Variants in FSTL4 observed in about 807,000 individuals in gnomAD.
FSTL4 encodes the protein follistatin like 4.
Under a neutral mutation model 78.2 loss-of-function variants are expected in FSTL4, and 28 were observed. The ratio of observed to expected loss-of-function variants is 0.36; its 90% CI spans 0.27 to 0.49. The LOEUF is 0.49. Among genes scored for constraint, FSTL4 ranks in the 20% least tolerant of loss-of-function variants. The pLI is 0.98. For missense variants in FSTL4, 922 were observed against 1,084.9 expected (o/e 0.85, Z 2.11); for synonymous variants, 422 against 440.5 (o/e 0.96, Z 0.53).
the FSTL4 span, among the ~76,000 whole-genome samples, chr5:133,725,543 G>A: frequency 2.0e-5 from 3 of 152,158 alleles, no homozygotes; most frequent in Admixed American, 6.5e-5. Context: ...TCAAAGTCCC[G>A]CCTCTATTTC....
intron 3 of FSTL4, among the ~76,000 whole-genome samples, chr5:133,442,126 T>C (rs190227226): frequency 3.9e-5 from 6 of 152,356 alleles, no homozygotes; most frequent in African/African-American, 1.4e-4. Context: ...TGAGTCTCCA[T>C]GCAAAGGTCT....
At chr5:133,618,433 G>T in the FSTL4 span, among the ~76,000 whole-genome samples, 3 of 152,166 alleles carry the variant, frequency 2.0e-5, no homozygotes, top group East Asian at 5.8e-4. Context: ...GATGTCTCTG[G>T]CTGCTGTATG....
At position 133,314,425 on chromosome 5, in the gene FSTL4, A is replaced by G. The variant is rs146596596; in HGVS notation, c.604-1648T>C. On this transcript the variant is annotated intron_variant, in intron 5 of 15. Transcript: ENST00000265342. ...ACTCAGGTATGAGTGAACAGAGCAG[A>G]GTCATCTGAGATTCCCAACGTGCTT... Among the ~76,000 whole-genome samples the G allele has an allele frequency of 6.4e-3, 980 of 152,334 alleles. 13 individuals carry two copies. Among genetic ancestry groups the G allele is most frequent in the African/African-American group, 0.022 (923 of 41,580 alleles).
In FSTL4 at chr5:133,349,305, G is replaced by C. The variant is rs945479015; in HGVS notation, c.410-32653C>G. On this transcript the variant is annotated intron_variant, in intron 4 of 15. Coordinates refer to ENST00000265342, the MANE Select transcript of FSTL4 (RefSeq NM_015082.2). Reference sequence around the variant, plus strand: ...TGAAAGCCTCTCTCTCTGTGTGTGTGTGTGTGTGTGTGTGTGTGTGTGTGT... The same window carrying C: ...TGAAAGCCTCTCTCTCTGTGTGTGTCTGTGTGTGTGTGTGTGTGTGTGTGT... Among the ~76,000 whole-genome samples, 228 of 144,542 alleles carry C rather than the reference G, an allele frequency of 1.6e-3. 2 individuals are homozygous for C. The highest frequency in any genetic ancestry group is 3.6e-3 in the Middle Eastern group (1 of 280). 94.8% of individuals were successfully genotyped at this position (144,542 alleles called of 152,430 possible).
intron 4 of FSTL4, among the ~76,000 whole-genome samples, chr5:133,390,733 C>T (rs1210107686): frequency 6.6e-6 from 1 of 152,222 alleles, no homozygotes; most frequent in Non-Finnish European, 1.5e-5. Context: ...TGGAGATGAG[C>T]AGTCATTTAC....
At chr5:133,526,278 G>C (rs370940462) in intron 3 of FSTL4, among the ~76,000 whole-genome samples, 1 of 152,142 alleles carries the variant, frequency 6.6e-6, no homozygotes, top group Non-Finnish European at 1.5e-5. Context: ...AACCAAGGGG[G>C]TAGCCTCATT....
At chr5:133,783,831 T>C in the FSTL4 span, among the ~76,000 whole-genome samples, 1 of 152,212 alleles carries the variant, frequency 6.6e-6, no homozygotes, top group Admixed American at 6.5e-5. Flanking sequence ...GGCTCCTTTT[T>C]TCAGGTTTGT....
the FSTL4 span, among the ~76,000 whole-genome samples, chr5:133,677,179 C>A: frequency 6.6e-6 from 1 of 152,226 alleles, no homozygotes; most frequent in Admixed American, 6.5e-5. Context: ...AATACAGGAT[C>A]GTTCACACAC....
chr5:133,435,386 T>C (rs918771199), intron 3 of FSTL4, among the ~76,000 whole-genome samples: 4 of 152,224 alleles, frequency 2.6e-5, no homozygotes, highest in Non-Finnish European at 5.9e-5. Flanking sequence ...AGTCCTGCAA[T>C]AAAAATATCT....
chr5:133,286,398 T>A (rs925080684), intron 6 of FSTL4, among the ~76,000 whole-genome samples: 3 of 152,212 alleles, frequency 2.0e-5, no homozygotes, highest in African/African-American at 7.2e-5. Flanking sequence ...CATTCAGGCA[T>A]GTAAAAACAC....
chr5:133,520,669 T>C (rs916661551), intron 3 of FSTL4, among the ~76,000 whole-genome samples: 1 of 152,056 alleles, frequency 6.6e-6, no homozygotes, highest in Non-Finnish European at 1.5e-5. Context: ...CAGAAGGGGT[T>C]TTTAAGAGCA....
At chr5:133,504,311 C>T (rs570839446) in intron 3 of FSTL4, among the ~76,000 whole-genome samples, 13 of 152,074 alleles carry the variant, frequency 8.5e-5, no homozygotes, top group Admixed American at 2.0e-4. Flanking sequence ...CTTTCCATAT[C>T]CAGTAAGTCA....
chr5:133,258,940 C>T (rs1178270515), intron 6 of FSTL4, among the ~76,000 whole-genome samples: 1 of 152,184 alleles, frequency 6.6e-6, no homozygotes, highest in Non-Finnish European at 1.5e-5. Context: ...AACTTTGGCT[C>T]CAATCCCCAG....
the FSTL4 span, among the ~76,000 whole-genome samples, chr5:133,722,773 T>C: frequency 6.6e-6 from 1 of 152,196 alleles, no homozygotes; most frequent in African/African-American, 2.4e-5. Context: ...CATCTGCAGA[T>C]GGGCCTGGGG....
rs1452815771 is a variant in FSTL4 at position 133,383,131 on chromosome 5, C to T, written c.409+17607G>A. On this transcript the variant is annotated intron_variant, in intron 4 of 15. Transcript: ENST00000265342. ...CAAGCCCGGCCCACCCTGATTTTGTCCTACCCTGAGTTTCAAATGTCTCCC... is the reference window on the plus strand; with the variant it reads ...CAAGCCCGGCCCACCCTGATTTTGTTCTACCCTGAGTTTCAAATGTCTCCC... 2.0e-5 allele frequency among the ~76,000 whole-genome samples: 3 copies of T among 152,176 alleles called. No homozygotes were observed. In the East Asian group the frequency reaches 5.8e-4, roughly 29 times the overall value.
rs1188603030 is a variant in FSTL4, at chr5:133,383,977, G to T, written c.409+16761C>A. 2.0e-5 allele frequency among the ~76,000 whole-genome samples: 3 copies of T among 152,120 alleles called. No homozygotes were observed. The East Asian group carries it at 5.8e-4, about 29-fold the overall frequency. On this transcript the variant is annotated intron_variant, in intron 4 of 15. Coordinates refer to ENST00000265342, the MANE Select transcript of FSTL4 (RefSeq NM_015082.2). ...TCCCCTTAAGTTTGCATCTTACATT[G>T]TTTAAGTGTTTAAATATAATTTCAA...
intron 13 of FSTL4, 57 bp from the exon 14 acceptor site, chr5:133,210,355 T>C (rs557807435): frequency 9.7e-7 from 1 of 1,029,412 alleles, no homozygotes; most frequent in African/African-American, 1.6e-5. Context: ...TTTCTGGGCG[T>C]TGTATGCATG....
chr5:133,695,328 C>T, the FSTL4 span, among the ~76,000 whole-genome samples: 185 of 152,252 alleles, frequency 1.2e-3, no homozygotes, highest in African/African-American at 4.1e-3. Flanking sequence ...GATCTGTGGT[C>T]CCAGACACCC....
chr5:133,644,637 T>G, the FSTL4 span, among the ~76,000 whole-genome samples: 2 of 152,142 alleles, frequency 1.3e-5, no homozygotes, highest in African/African-American at 4.8e-5. Flanking sequence ...TCCTACTCAT[T>G]GTTCACTTAC....
Sources: gnomAD v4.1 joint callset for allele counts (sites outside exome capture counted in the v4.1 genomes callset) on GRCh38, gnomAD v4.1.1 for gene constraint, MANE v1.5 for transcripts, NCBI Gene and HGNC (gene_info 2026-07-23, HGNC 2026-07-21) for gene names.